The following RNF150 variants were observed in gnomAD, a reference collection of about 807,000 sequenced individuals.
The protein encoded by RNF150 is ring finger protein 150.
RNF150 carries 24 observed loss-of-function variants against 39.3 expected under a neutral mutation model. The ratio of observed to expected loss-of-function variants is 0.61; its 90% CI spans 0.44 to 0.86. RNF150 has a LOEUF of 0.86. Ranked by LOEUF, RNF150 falls within the 40% of genes least tolerant of loss-of-function variation. RNF150 has a pLI of 0.00. For missense variants in RNF150, 502 were observed against 587.8 expected (o/e 0.85, Z 1.51); for synonymous variants, 255 against 227.3 (o/e 1.12, Z -1.10).
intron 1 of RNF150, among the ~76,000 whole-genome samples, chr4:140,979,315 T>C (rs990433963): frequency 6.6e-6 from 1 of 152,088 alleles, no homozygotes; most frequent in Non-Finnish European, 1.5e-5. Flanking sequence ...TTTCCCAGCA[T>C]TTCAATCTTG....
Position 140,863,534 on chromosome 4 carries a change from T to A in RNF150, c.*4727A>T, listed in dbSNP as rs1246793693. On this transcript the variant is annotated 3_prime_UTR_variant, in exon 7 of 7. Coordinates refer to ENST00000515673, the MANE Select transcript of RNF150 (RefSeq NM_020724.2). ...AATAATGATAATGACTCTGTAGGTA[T>A]AGAACCTCCAGTTTTTTGTGTTCTG... The A allele has an allele frequency of 6.6e-6, 1 of 152,208 alleles. No homozygotes were observed. The highest frequency in any genetic ancestry group is 6.5e-5 in the Admixed American group (1 of 15,276). 9.4% of individuals were successfully genotyped at this position (152,208 alleles called of 1,614,324 possible).
At chr4:140,896,611 G>A (rs1383055510) in intron 6 of RNF150, among the ~76,000 whole-genome samples, 6 of 99,946 alleles carry the variant, frequency 6.0e-5, no homozygotes, top group Middle Eastern at 4.0e-3. Context: ...TGGGTGCAGC[G>A]CACCAGCATG....
In RNF150 at chr4:141,133,423, G is replaced by T. The variant is rs569819455; in HGVS notation, c.-615C>A. On this transcript the variant is annotated 5_prime_UTR_variant, in exon 1 of 7. Coordinates refer to ENST00000515673, the MANE Select transcript of RNF150 (RefSeq NM_020724.2). ...CGGGGCGGGCTTGGGGACAGTGGGA[G>T]CGAGCAGGCAGAGCGGAGTAAGCGG... The T allele has an allele frequency of 1.4e-4, 24 of 170,302 alleles. No individual in the cohort carries two copies. In the South Asian group the frequency reaches 3.9e-3, roughly 28 times the overall value. The allele number at this position is 170,302 out of a possible 1,614,324, so 10.5% of individuals were successfully genotyped here.
rs1728496216 is a variant in RNF150 at position 140,861,665 on chromosome 4, T to C, written c.*6596A>G. 1 of 152,202 alleles carries C rather than the reference T, an allele frequency of 6.6e-6. No homozygotes were observed. The highest frequency in any genetic ancestry group is 2.1e-4 in the South Asian group (1 of 4,832). The allele number at this position is 152,202 out of a possible 1,614,324, so 9.4% of individuals were successfully genotyped here. On this transcript the variant is annotated 3_prime_UTR_variant, in exon 7 of 7. Transcript: ENST00000515673. ...TTCTTCAACTGCTCTACTATACCCA[T>C]TAGTACAGGCAACAGTTTTGTATCT...
At chr4:141,154,088 C>G (rs557379944) in intron 1 of RNF150, among the ~76,000 whole-genome samples, 2 of 152,272 alleles carry the variant, frequency 1.3e-5, no homozygotes, top group African/African-American at 4.8e-5. Context: ...TGTATAAGCA[C>G]TTAGAATAGT....
upstream of RNF150, among the ~76,000 whole-genome samples, chr4:141,135,227 G>A (rs755216304): frequency 1.4e-4 from 22 of 152,206 alleles, no homozygotes; most frequent in Non-Finnish European, 2.4e-4. Context: ...AAAACTATAT[G>A]TATATATATT....
intron 4 of RNF150, among the ~76,000 whole-genome samples, chr4:140,935,483 A>G (rs1355449381): frequency 6.6e-6 from 1 of 152,156 alleles, no homozygotes. Flanking sequence ...AGAATGCCAT[A>G]TTTAACGAGG....
At chr4:140,886,476 TCTTA>T (rs1311056742) in intron 6 of RNF150, among the ~76,000 whole-genome samples, 1 of 152,240 alleles carries the variant, frequency 6.6e-6, no homozygotes, top group Admixed American at 6.5e-5. Context: ...TTGTTTGTCT[TCTTA>T]CTGAGTTGTA....
chr4:141,147,175 T>C (rs1727218938), intron 1 of RNF150, among the ~76,000 whole-genome samples: 3 of 152,210 alleles, frequency 2.0e-5, no homozygotes, highest in African/African-American at 7.2e-5. Flanking sequence ...GCCTGGTGAC[T>C]GTGTTTGTTA....
At chr4:141,071,549 G>C (rs988565197) in intron 1 of RNF150, among the ~76,000 whole-genome samples, 1 of 151,902 alleles carries the variant, frequency 6.6e-6, no homozygotes, top group Non-Finnish European at 1.5e-5. Context: ...ATTTGTTGCT[G>C]GAAAAAACGT....
At chr4:140,967,946 G>A (rs1733315862) in intron 1 of RNF150, 73 bp from the exon 2 acceptor site, 1 of 1,367,994 alleles carries the variant, frequency 7.3e-7, no homozygotes, top group Non-Finnish European at 1.0e-6. Context: ...TGAGATGTGT[G>A]GACACAGTAA....
At chr4:140,921,737 G>A (rs1031275923) in intron 5 of RNF150, among the ~76,000 whole-genome samples, 41 of 152,190 alleles carry the variant, frequency 2.7e-4, no homozygotes, top group Admixed American at 1.7e-3. Flanking sequence ...CTGGCAAACC[G>A]AATCCAGCAG....
chr4:140,899,802 C>A (rs1043435689), intron 6 of RNF150, among the ~76,000 whole-genome samples: 1 of 146,656 alleles, frequency 6.8e-6, no homozygotes, highest in African/African-American at 2.5e-5. Context: ...AATATATTTT[C>A]TTTTCTCCAG....
At chr4:140,882,122 C>T (rs1729396828) in intron 6 of RNF150, among the ~76,000 whole-genome samples, 3 of 152,016 alleles carry the variant, frequency 2.0e-5, no homozygotes, top group Non-Finnish European at 4.4e-5. Flanking sequence ...CAGGTTCACG[C>T]CATTCTTCTG....
upstream of RNF150, among the ~76,000 whole-genome samples, chr4:141,133,690 C>T (rs1034729166): frequency 6.6e-6 from 1 of 152,082 alleles, no homozygotes; most frequent in Non-Finnish European, 1.5e-5. Flanking sequence ...GAATAACTTC[C>T]TGAGCGTTAC....
chr4:140,967,758 C>T lies in RNF150; in HGVS notation c.600G>A (p.Leu200=), dbSNP rs769551915. The T allele has an allele frequency of 8.1e-6, 13 of 1,613,424 alleles. No homozygotes were observed. The South Asian group carries it at 1.3e-4, about 16-fold the overall frequency. ...TMYITIGTRN[L]QKYVSRTSVV... ...CCGAAGTGCGGCTCACATATTTCTG[C>T]AAGTTCCGGGTTCCGATGGTGATGT... is the stretch of plus-strand genomic sequence containing the variant. Residue 200 remains leucine, a synonymous_variant, in exon 2 of 7, where the codon TTG becomes TTA. Coordinates refer to ENST00000515673, the MANE Select transcript of RNF150 (RefSeq NM_020724.2).
At chr4:140,954,690 T>C (rs1732676215) in intron 2 of RNF150, among the ~76,000 whole-genome samples, 1 of 152,178 alleles carries the variant, frequency 6.6e-6, no homozygotes, top group African/African-American at 2.4e-5. Flanking sequence ...AATAAAGTCC[T>C]ACATAAATTC....
At chr4:141,065,250 C>G (rs1737406650) in intron 1 of RNF150, among the ~76,000 whole-genome samples, 1 of 152,166 alleles carries the variant, frequency 6.6e-6, no homozygotes, top group Admixed American at 6.6e-5. Context: ...GCAATTAACC[C>G]TTACGTCCTG....
At chr4:140,969,319 A>C (rs1407630870) in intron 1 of RNF150, among the ~76,000 whole-genome samples, 1 of 152,154 alleles carries the variant, frequency 6.6e-6, no homozygotes, top group South Asian at 2.1e-4. Flanking sequence ...TGCAAATCCA[A>C]TTGTAAAATC....
Sources: allele counts gnomAD v4.1 joint callset (sites outside exome capture counted in the v4.1 genomes callset), GRCh38; gene constraint gnomAD v4.1.1; transcripts MANE v1.5; gene names NCBI Gene and HGNC (gene_info 2026-07-23, HGNC 2026-07-21).